PALM2AKAP2: variants seen among roughly 807,000 people sequenced by gnomAD.
The protein encoded by PALM2AKAP2 is PALM2-AKAP2 fusion protein.
A neutral mutation model predicts 71.5 loss-of-function variants in PALM2AKAP2; 37 were observed. That is an observed-to-expected ratio of 0.52 (90% CI 0.40 to 0.68). The LOEUF is 0.68. PALM2AKAP2 is among the 30% of genes least tolerant of loss of function. The probability of loss-of-function intolerance (pLI) is 0.00; values close to 1 mark genes in which losing one functional copy is unlikely to be tolerated. For synonymous variants in PALM2AKAP2, 468 were observed against 478.8 expected (o/e 0.98, Z 0.29); for missense variants, 1,224 against 1,191.8 (o/e 1.03, Z -0.40).
intron 1 of PALM2AKAP2, among the ~76,000 whole-genome samples, chr9:109,660,927 G>A (rs1334533068): frequency 1.3e-5 from 2 of 152,182 alleles, no homozygotes; most frequent in Admixed American, 6.5e-5. Context: ...GTGATGATGA[G>A]CATTTTTTCA....
At chr9:109,920,621 C>T (rs756531809) in intron 3 of PALM2AKAP2, among the ~76,000 whole-genome samples, 2 of 152,016 alleles carry the variant, frequency 1.3e-5, no homozygotes, top group South Asian at 2.1e-4. Flanking sequence ...CTCAGGTATA[C>T]GCCTGCCTCG....
At chr9:110,091,602 A>G (rs927291462) in intron 1 of PALM2AKAP2, among the ~76,000 whole-genome samples, 3 of 151,252 alleles carry the variant, frequency 2.0e-5, no homozygotes, top group Non-Finnish European at 4.4e-5. Context: ...AGCTGGGACT[A>G]TAGGCGCCTG....
chr9:109,960,109 A>T (rs1831826083), intron 6 of PALM2AKAP2, among the ~76,000 whole-genome samples: 1 of 152,018 alleles, frequency 6.6e-6, no homozygotes, highest in Non-Finnish European at 1.5e-5. Flanking sequence ...TTAATTAAGG[A>T]TCCCACCCTG....
At chr9:110,080,669 T>A (rs995535536) in intron 1 of PALM2AKAP2, among the ~76,000 whole-genome samples, 10 of 152,172 alleles carry the variant, frequency 6.6e-5, no homozygotes, top group Non-Finnish European at 1.5e-5. Flanking sequence ...TTAGTTTTTT[T>A]AGGTTTTTTG....
At chr9:109,662,237 C>T (rs1321857989) in intron 1 of PALM2AKAP2, among the ~76,000 whole-genome samples, 1 of 152,174 alleles carries the variant, frequency 6.6e-6, no homozygotes, top group Non-Finnish European at 1.5e-5. Flanking sequence ...GCATCCCTGT[C>T]TTGTGCCAGT....
At chr9:109,728,619 C>T (rs141855958) in intron 1 of PALM2AKAP2, among the ~76,000 whole-genome samples, 11 of 152,262 alleles carry the variant, frequency 7.2e-5, no homozygotes, top group South Asian at 4.1e-4. Context: ...TATGTACTCT[C>T]GAGAATTTTA....
intron 1 of PALM2AKAP2, among the ~76,000 whole-genome samples, chr9:109,663,945 C>T (rs1827439000): frequency 6.6e-6 from 1 of 152,126 alleles, no homozygotes; most frequent in Non-Finnish European, 1.5e-5. Context: ...TATGTAATGG[C>T]CTTCTTTGTC....
At chr9:109,707,742 A>G (rs953812371) in intron 1 of PALM2AKAP2, among the ~76,000 whole-genome samples, 6 of 152,064 alleles carry the variant, frequency 3.9e-5, no homozygotes, top group African/African-American at 1.4e-4. Flanking sequence ...GCTCCTAAGA[A>G]TCCTGTTTGA....
At chr9:109,838,520 CTA>C (rs1430763356) in intron 1 of PALM2AKAP2, among the ~76,000 whole-genome samples, 2 of 152,218 alleles carry the variant, frequency 1.3e-5, no homozygotes, top group African/African-American at 4.8e-5. Flanking sequence ...CAAGAAATAA[CTA>C]AGATCAGAGC....
At chr9:109,888,504 T>TC (rs2131800267) in intron 3 of PALM2AKAP2, among the ~76,000 whole-genome samples, 1 of 151,546 alleles carries the variant, frequency 6.6e-6, no homozygotes, top group South Asian at 2.1e-4. Flanking sequence ...AGGTCAGGAG[T>TC]CCGAGACCAG....
At chr9:109,978,630 T>C (rs566316220) in intron 6 of PALM2AKAP2, among the ~76,000 whole-genome samples, 1 of 152,314 alleles carries the variant, frequency 6.6e-6, no homozygotes, top group South Asian at 2.1e-4. Flanking sequence ...TACCTCACTT[T>C]TGCAGGGTAA....
intron 1 of PALM2AKAP2, among the ~76,000 whole-genome samples, chr9:109,740,306 G>C (rs747938395): frequency 3.8e-4 from 58 of 152,202 alleles, no homozygotes; most frequent in Admixed American, 3.9e-4. Context: ...AATTTTTTAT[G>C]TGTCAGATGT....
chr9:109,786,747 C>T (rs1659724391), intron 1 of PALM2AKAP2, among the ~76,000 whole-genome samples: 2 of 152,044 alleles, frequency 1.3e-5, no homozygotes, highest in Admixed American at 1.3e-4. Context: ...GGACAAAGAG[C>T]AGCTACTCTG....
chr9:109,702,266 A>G (rs946346310), intron 1 of PALM2AKAP2, among the ~76,000 whole-genome samples: 13 of 152,216 alleles, frequency 8.5e-5, no homozygotes, highest in African/African-American at 2.7e-4. Flanking sequence ...ATTATAAATC[A>G]TGCTGCTATA....
intron 1 of PALM2AKAP2, among the ~76,000 whole-genome samples, chr9:109,854,130 G>A (rs1829091386): frequency 6.6e-6 from 1 of 152,202 alleles, no homozygotes; most frequent in African/African-American, 2.4e-5. Flanking sequence ...GTGAGAAGCA[G>A]TACCTTTCCC....
exon 2 of PALM2AKAP2, chr9:110,137,000 G>C: frequency 2.5e-6 from 4 of 1,614,142 alleles, no homozygotes; most frequent in Non-Finnish European, 3.4e-6. Context: ...GGAGCAGCTG[G>C]ACGAGGAACA....
chr9:109,776,346 A>G (rs1329223901), upstream of PALM2AKAP2, among the ~76,000 whole-genome samples: 1 of 152,184 alleles, frequency 6.6e-6, no homozygotes, highest in Non-Finnish European at 1.5e-5. Flanking sequence ...TTCCTGTTTC[A>G]CCTAGGGTTC....
chr9:109,796,227 A>G (rs542922360), intron 1 of PALM2AKAP2, among the ~76,000 whole-genome samples: 87 of 152,238 alleles, frequency 5.7e-4, no homozygotes, highest in Non-Finnish European at 1.1e-3. Flanking sequence ...AAATTTATAT[A>G]TAGTCAGCAA....
At chr9:109,661,751 T>C (rs1465773344) in intron 1 of PALM2AKAP2, among the ~76,000 whole-genome samples, 1 of 152,222 alleles carries the variant, frequency 6.6e-6, no homozygotes, top group East Asian at 1.9e-4. Flanking sequence ...ATAAATTACT[T>C]TGGGCAGCAA....
Sources: gnomAD v4.1 joint callset for allele counts (sites outside exome capture counted in the v4.1 genomes callset) on GRCh38, gnomAD v4.1.1 for gene constraint, MANE v1.5 for transcripts, NCBI Gene and HGNC (gene_info 2026-07-23, HGNC 2026-07-21) for gene names.